DGKH: variants seen among roughly 807,000 people sequenced by gnomAD.
The protein encoded by DGKH is DAG kinase eta.
A neutral mutation model predicts 159.3 loss-of-function variants in DGKH; 90 were observed. That is an observed-to-expected ratio of 0.57 (90% CI 0.48 to 0.67). The LOEUF is 0.67. DGKH is among the 30% of genes least tolerant of loss of function. DGKH has a pLI of 0.00. For synonymous variants in DGKH, 536 were observed against 553.8 expected, an observed-to-expected ratio of 0.97 and a Z score of 0.45; for missense variants, 1,181 against 1,506.1, an observed-to-expected ratio of 0.78 and a Z score of 3.57.
In DGKH at chr13:42,145,355, T is replaced by C. The variant is rs564882452; in HGVS notation, c.385-9936T>C. On this transcript the variant is annotated intron_variant, in intron 3 of 29. Coordinates refer to ENST00000337343, the MANE Select transcript of DGKH (RefSeq NM_178009.5). ...TTATCTAGTTGGAGATTTTATTTTT[T>C]AGTTGTTTATTTTGTCGGTTGCCAC... Among the ~76,000 whole-genome samples, 25 of 152,218 alleles carry C rather than the reference T, an allele frequency of 1.6e-4. No individual in the cohort carries two copies. In the South Asian group the frequency reaches 5.2e-3, roughly 32 times the overall value.
chr13:42,041,369 G>A (rs1880494000), intron 1 of DGKH, among the ~76,000 whole-genome samples: 4 of 152,132 alleles, frequency 2.6e-5, no homozygotes, highest in African/African-American at 9.7e-5. Flanking sequence ...TGGAGAGGCT[G>A]AGCGCGGCGC....
In DGKH at chr13:42,159,992, C is replaced by G. The variant is rs1956139744; in HGVS notation, c.730-19C>G. 3 of 1,614,058 alleles carry G rather than the reference C, an allele frequency of 1.9e-6. No homozygotes were observed. Among genetic ancestry groups the G allele is most frequent in the African/African-American group, 2.7e-5 (2 of 74,928 alleles). ...GTCCGCCAGTCTTCACCTGGCTGCC[C>G]TTTCTTCCTTCTCCACAGGTCGCGA... is the stretch of plus-strand genomic sequence containing the variant. On this transcript the variant is annotated intron_variant, in intron 6 of 29. Transcript: ENST00000337343.
chr13:42,143,982 G>A (rs1955650387), intron 3 of DGKH, among the ~76,000 whole-genome samples: 1 of 152,076 alleles, frequency 6.6e-6, no homozygotes, highest in Non-Finnish European at 1.5e-5. Flanking sequence ...TCAAAAGCTA[G>A]CAGAAGGCAA....
chr13:42,106,474 A>G (rs1000193771), intron 1 of DGKH, among the ~76,000 whole-genome samples: 3 of 152,184 alleles, frequency 2.0e-5, no homozygotes, highest in African/African-American at 7.2e-5. Flanking sequence ...GTAACATGTG[A>G]TATGGCCTCA....
chr13:42,121,066 T>TACACACACACACACACACAC lies in DGKH; in HGVS notation c.193-6391_193-6372dup, dbSNP rs377628213. Among the ~76,000 whole-genome samples, 449 of 144,810 alleles carry TACACACACACACACACACAC rather than the reference T, an allele frequency of 3.1e-3. 3 individuals carry two copies. Among genetic ancestry groups the TACACACACACACACACACAC allele is most frequent in the East Asian group, 0.017 (86 of 5,002 alleles). ...TCTATGAAAGTAATAATATATATTA[T>TACACACACACACACACACAC]ACACACACACACACACACACACACA... On this transcript the variant is annotated intron_variant, in intron 1 of 29. Transcript: ENST00000337343.
At chr13:42,053,881 A>C (rs1014053970) in intron 1 of DGKH, among the ~76,000 whole-genome samples, 1 of 152,076 alleles carries the variant, frequency 6.6e-6, no homozygotes, top group African/African-American at 2.4e-5. Context: ...TGGCCTCCCA[A>C]AGTGCTGGGA....
chr13:42,180,215 C>T (rs1956715611), intron 13 of DGKH, among the ~76,000 whole-genome samples: 1 of 152,176 alleles, frequency 6.6e-6, no homozygotes, highest in African/African-American at 2.4e-5. Flanking sequence ...ATGAACTGGG[C>T]CTGGGATGAG....
At chr13:42,140,699 A>G (rs1955524479) in intron 3 of DGKH, 1 of 152,060 alleles carries the variant, frequency 6.6e-6, no homozygotes. Context: ...ATTTACCTAG[A>G]CGTCACTGTG....
intron 2 of DGKH, among the ~76,000 whole-genome samples, chr13:42,129,117 G>C (rs368068240): frequency 6.6e-6 from 1 of 152,196 alleles, no homozygotes; most frequent in East Asian, 1.9e-4. Flanking sequence ...GGTTCAGAAG[G>C]TTCAGTTACT....
chr13:42,184,811 T>C (rs985314401), intron 13 of DGKH, among the ~76,000 whole-genome samples: 1 of 151,862 alleles, frequency 6.6e-6, no homozygotes, highest in African/African-American at 2.4e-5. Context: ...GGGATGCAGT[T>C]ACCTATGATC....
chr13:42,090,585 A>G (rs766681151), intron 1 of DGKH, among the ~76,000 whole-genome samples: 3 of 152,210 alleles, frequency 2.0e-5, no homozygotes, highest in Admixed American at 6.5e-5. Flanking sequence ...CCTAGAAATC[A>G]ACCCATACAC....
At chr13:42,105,709 A>G (rs1380658406) in intron 1 of DGKH, among the ~76,000 whole-genome samples, 1 of 152,218 alleles carries the variant, frequency 6.6e-6, no homozygotes, top group South Asian at 2.1e-4. Flanking sequence ...GGTAAGCTTT[A>G]TAAGTAGATA....
intron 1 of DGKH, among the ~76,000 whole-genome samples, chr13:42,052,426 C>T (rs1881390444): frequency 6.6e-6 from 1 of 152,192 alleles, no homozygotes; most frequent in African/African-American, 2.4e-5. Context: ...GTGCTAAACA[C>T]TAAATGATTT....
At chr13:42,222,944 A>T (rs1594237838) in intron 29 of DGKH, among the ~76,000 whole-genome samples, 4 of 152,336 alleles carry the variant, frequency 2.6e-5, no homozygotes, top group Admixed American at 2.6e-4. Context: ...AATAGAAAGA[A>T]GATGGTTAAG....
intron 25 of DGKH, among the ~76,000 whole-genome samples, chr13:42,215,033 T>C (rs1263097971): frequency 6.6e-6 from 1 of 152,196 alleles, no homozygotes; most frequent in African/African-American, 2.4e-5. Context: ...CATTTTGTTT[T>C]GCTAAATCGG....
At chr13:42,157,913 T>C (rs1218344002) in intron 5 of DGKH, among the ~76,000 whole-genome samples, 1 of 152,092 alleles carries the variant, frequency 6.6e-6, no homozygotes, top group Non-Finnish European at 1.5e-5. Flanking sequence ...GCATGCGCCA[T>C]CACACCCGGC....
chr13:42,229,214 A>T lies in DGKH; in HGVS notation c.*26A>T, dbSNP rs1295023765. 6.3e-7 allele frequency: 1 copy of T among 1,589,488 alleles called. No homozygotes were observed. Among genetic ancestry groups the T allele is most frequent in the Admixed American group, 1.8e-5 (1 of 55,950 alleles). ...TCATATTGGTGCTATTTCTTGGAAG[A>T]GAAGTTATTGCCACTTAATACAAAG... On this transcript the variant is annotated 3_prime_UTR_variant, in exon 30 of 30. Coordinates refer to ENST00000337343, the MANE Select transcript of DGKH (RefSeq NM_178009.5).
chr13:42,053,107 A>G (rs901224456), intron 1 of DGKH, among the ~76,000 whole-genome samples: 1 of 152,084 alleles, frequency 6.6e-6, no homozygotes, highest in Non-Finnish European at 1.5e-5. Context: ...AGGCCAAGGT[A>G]GGACAATCAG....
chr13:42,078,851 T>C (rs1593994849), intron 1 of DGKH, among the ~76,000 whole-genome samples: 1 of 151,732 alleles, frequency 6.6e-6, no homozygotes, highest in East Asian at 1.9e-4. Context: ...TTTAACATAC[T>C]GACAGAATGA....
Sources: gnomAD v4.1 joint callset for allele counts (sites outside exome capture counted in the v4.1 genomes callset) on GRCh38, gnomAD v4.1.1 for gene constraint, MANE v1.5 for transcripts, NCBI Gene and HGNC (gene_info 2026-07-23, HGNC 2026-07-21) for gene names.